Variants in COG8 observed in about 807,000 individuals in gnomAD.
The protein encoded by COG8 is component of oligomeric golgi complex 8.
Under a neutral mutation model 46.5 loss-of-function variants are expected in COG8, and 45 were observed. The ratio of observed to expected loss-of-function variants is 0.97; its 90% CI spans 0.76 to 1.24. COG8 has a LOEUF of 1.24. Ranked by LOEUF, COG8 falls within the 50% of genes most tolerant of loss-of-function variation. The probability of loss-of-function intolerance (pLI) is 0.00; values close to 1 mark genes in which losing one functional copy is unlikely to be tolerated. For missense variants in COG8, 793 were observed against 820.8 expected (o/e 0.97, Z 0.41); for synonymous variants, 407 against 347.8 (o/e 1.17, Z -1.90).
Position 69,339,247 on chromosome 16 carries a change from G to A in COG8, c.306C>T (p.Arg102=), listed in dbSNP as rs764267150. 6.2e-7 allele frequency: 1 copy of A among 1,612,720 alleles called. No homozygotes were observed. Among genetic ancestry groups the A allele is most frequent in the East Asian group, 2.2e-5 (1 of 44,870 alleles). The change falls in exon 1 of 6, where the codon CGC becomes CGT. Residue 102 remains arginine, a synonymous_variant. Coordinates refer to ENST00000306875, the MANE Select transcript of COG8 (RefSeq NM_032382.5). ...GCGACGCCTCCACGTCGCCAAACAG[G>A]CGGTGGATGCGCTCGGTGCACTCGG... The part of the protein sequence containing the change: ...RGAECTERIH[R]LFGDVEASLG...
rs560079126 is a variant in COG8 at position 69,330,161 on chromosome 16, G to A, written c.*26+652C>T. ...CATTTGGCGGAGCGCGCGCTGGCGG[G>A]GCGGGCACTCCCGACACAGCGCCTC... On this transcript the variant is annotated intron_variant, in intron 5 of 5. Coordinates refer to ENST00000306875, the MANE Select transcript of COG8 (RefSeq NM_032382.5). 1 of 1,538,262 alleles carries A rather than the reference G, an allele frequency of 6.5e-7. No individual in the cohort carries two copies. The highest frequency in any genetic ancestry group is 1.4e-5 in the African/African-American group (1 of 69,938).
At chr16:69,330,172 C>T (rs2011674094) in intron 5 of COG8, 1 of 1,519,470 alleles carries the variant, frequency 6.6e-7, no homozygotes, top group Non-Finnish European at 8.8e-7. Flanking sequence ...GCGGGCACTC[C>T]CGACACAGCG....
At chr16:69,329,554 G>A (rs1274668793) in intron 5 of COG8, among the ~76,000 whole-genome samples, 1 of 152,170 alleles carries the variant, frequency 6.6e-6, no homozygotes, top group East Asian at 1.9e-4. Context: ...TGAACCGACG[G>A]GCTTGCTGTG....
intron 1 of COG8, chr16:69,338,644 GCTGTGTC>G (rs1384253165): frequency 6.5e-6 from 1 of 154,762 alleles, no homozygotes; most frequent in Non-Finnish European, 1.4e-5. Context: ...AAACCTCCTA[GCTGTGTC>G]CTTGGACGTC....
intron 1 of COG8, among the ~76,000 whole-genome samples, chr16:69,337,481 C>T (rs903833087): frequency 1.3e-5 from 2 of 152,148 alleles, no homozygotes; most frequent in African/African-American, 4.8e-5. Context: ...CTAGAATCCA[C>T]AATCTTTCCC....
chr16:69,329,640 G>A (rs1965720965), intron 5 of COG8, among the ~76,000 whole-genome samples: 1 of 152,252 alleles, frequency 6.6e-6, no homozygotes, highest in South Asian at 2.1e-4. Context: ...GAATGGCCTA[G>A]CCCCCTGGGC....
chr16:69,330,563 C>A (rs188405840), intron 5 of COG8: 2 of 1,461,274 alleles, frequency 1.4e-6, no homozygotes, highest in East Asian at 5.7e-5. Context: ...GCCCCACAGC[C>A]GGGCCATGGC....
rs1391140764 is a variant in COG8 at position 69,327,072 on chromosome 16, G to A, written c.*2134C>T. On this transcript the variant is annotated 3_prime_UTR_variant, in exon 6 of 6. Coordinates refer to ENST00000306875, the MANE Select transcript of COG8 (RefSeq NM_032382.5). Reference sequence around the variant, plus strand: ...TCAGCTGAATTCTAATTTTCCTAAAGACCCATGTTTTTAGCATCTATGAGC... The same window carrying A: ...TCAGCTGAATTCTAATTTTCCTAAAAACCCATGTTTTTAGCATCTATGAGC... The A allele has an allele frequency of 6.7e-6, 1 of 149,692 alleles. No homozygotes were observed. Among genetic ancestry groups the A allele is most frequent in the Non-Finnish European group, 1.5e-5 (1 of 67,876 alleles). The allele number at this position is 149,692 out of a possible 1,614,324, so 9.3% of individuals were successfully genotyped here.
rs1235854372 is a variant in COG8 at position 69,326,896 on chromosome 16, A to G, written c.*2310T>C. On this transcript the variant is annotated 3_prime_UTR_variant, in exon 6 of 6. Transcript: ENST00000306875. Reference sequence around the variant, plus strand: ...GTGAGTGCTTCCTGCTCAAAGTGGGAGAGATTTTACTGGAAATGCAATAAA... The same window carrying G: ...GTGAGTGCTTCCTGCTCAAAGTGGGGGAGATTTTACTGGAAATGCAATAAA... The G allele has an allele frequency of 6.6e-6, 1 of 152,192 alleles. No homozygotes were observed. Among genetic ancestry groups the G allele is most frequent in the Non-Finnish European group, 1.5e-5 (1 of 68,044 alleles). 9.4% of individuals were successfully genotyped at this position (152,192 alleles called of 1,614,324 possible).
chr16:69,334,781 C>A lies in COG8; in HGVS notation c.1153G>T (p.Glu385Ter). ...TCTTCCTGGAATTTCTCCACTGTTT[C>A]CTGAATTGCTTTCTGGAAAGTGCTG... ...AISTFQKAIQETVEKFQEEMN... is the reference protein window; with the variant it reads ...AISTFQKAIQ The change falls in exon 3 of 6, where the codon GAA becomes TAA. Residue 385 changes from glutamate to a stop codon, truncating the protein, a stop_gained. Transcript: ENST00000306875. LOFTEE classifies it high-confidence loss of function. 2 of 1,614,156 alleles carry A rather than the reference C, an allele frequency of 1.2e-6. No individual in the cohort carries two copies. Among genetic ancestry groups the A allele is most frequent in the Non-Finnish European group, 1.7e-6 (2 of 1,180,044 alleles).
intron 5 of COG8, 153 bp downstream of exon 5, chr16:69,330,660 C>A (rs929367245): frequency 1.1e-5 from 16 of 1,401,410 alleles, no homozygotes; most frequent in African/African-American, 1.1e-4. Context: ...CACAGCGAAG[C>A]CGCGACTGGA....
At chr16:69,331,833 A>C (rs2011873851) in intron 4 of COG8, among the ~76,000 whole-genome samples, 1 of 152,124 alleles carries the variant, frequency 6.6e-6, no homozygotes, top group Non-Finnish European at 1.5e-5. Flanking sequence ...AGCAAAAACC[A>C]CCTTTGTTAC....
chr16:69,334,632 G>A lies in COG8; in HGVS notation c.1302C>T (p.Pro434=), dbSNP rs2012082474. Residue 434 remains proline, a synonymous_variant, in exon 3 of 6, where the codon CCC becomes CCT. Coordinates refer to ENST00000306875, the MANE Select transcript of COG8 (RefSeq NM_032382.5). ...GAATATTGTTGAGAAAGCAGGCGAG[G>A]GGTGGGAAATCTAGGAGCACCATGG... is the stretch of plus-strand genomic sequence containing the variant. ...QPPMVLLDFP[P]LACFLNNILV... 2 of 1,614,202 alleles carry A rather than the reference G, an allele frequency of 1.2e-6. No individual in the cohort carries two copies. The highest frequency in any genetic ancestry group is 1.7e-6 in the Non-Finnish European group (2 of 1,180,046).
intron 5 of COG8, chr16:69,330,599 G>T: frequency 7.1e-7 from 1 of 1,415,430 alleles, no homozygotes; most frequent in Non-Finnish European, 9.1e-7. Flanking sequence ...GACCCGGCCC[G>T]CCCCTTCCGG....
chr16:69,330,465 G>C, intron 5 of COG8: 2 of 1,471,814 alleles, frequency 1.4e-6, no homozygotes, highest in East Asian at 2.9e-5. Context: ...ACGCCGTCCG[G>C]GGCGGCCGTG....
chr16:69,329,289 G>T, intron 5 of COG8, 110 bp from the exon 6 acceptor site: 1 of 1,175,080 alleles, frequency 8.5e-7, no homozygotes, highest in Non-Finnish European at 1.1e-6. Flanking sequence ...AGAGGCAACA[G>T]CAGATGGCAA....
chr16:69,332,913 G>T, intron 3 of COG8, 31 bp from the exon 4 acceptor site: 1 of 1,612,476 alleles, frequency 6.2e-7, no homozygotes, highest in South Asian at 1.1e-5. Context: ...CAATTACTGG[G>T]ACAGCCTATC....
At position 69,334,697 on chromosome 16, in the gene COG8, C is replaced by T; in HGVS notation, c.1237G>A (p.Ala413Thr). The T allele has an allele frequency of 1.2e-6, 2 of 1,614,220 alleles. No individual in the cohort carries two copies. Among genetic ancestry groups the T allele is most frequent in the South Asian group, 1.1e-5 (1 of 91,086 alleles). ...CCCGGCTGGGTGGCTGGCACAGCAG[C>T]AGGCATGTTACTGGTGCCCAGGATG... ...PAILGTSNMPAAVPATQPGTL... is the reference protein window; with the variant it reads ...PAILGTSNMPTAVPATQPGTL... The change falls in exon 3 of 6, where the codon GCT (alanine) becomes ACT (threonine). Residue 413 changes from alanine (A) to threonine (T), a missense_variant. Coordinates refer to ENST00000306875, the MANE Select transcript of COG8 (RefSeq NM_032382.5).
chr16:69,333,846 CAATAAA>C (rs903401786), intron 3 of COG8, among the ~76,000 whole-genome samples: 65 of 152,194 alleles, frequency 4.3e-4, no homozygotes, highest in Admixed American at 7.2e-4. Context: ...ACACTTTTAA[CAATAAA>C]AATAAAAGAA....
Sources: allele counts gnomAD v4.1 joint callset (sites outside exome capture counted in the v4.1 genomes callset), GRCh38; gene constraint gnomAD v4.1.1; transcripts MANE v1.5; gene names NCBI Gene and HGNC (gene_info 2026-07-23, HGNC 2026-07-21).